The following DHX29 variants were observed in gnomAD, a reference collection of about 807,000 sequenced individuals.
DHX29 encodes DExH-box helicase 29.
A neutral mutation model predicts 167.9 loss-of-function variants in DHX29; 79 were observed. That is an observed-to-expected ratio of 0.47 (90% CI 0.39 to 0.57). The LOEUF (loss-of-function observed/expected upper bound fraction) is 0.57. Among genes scored for constraint, DHX29 ranks in the 20% least tolerant of loss-of-function variants. The probability of loss-of-function intolerance (pLI) is 0.00; values close to 1 mark genes in which losing one functional copy is unlikely to be tolerated. For synonymous variants in DHX29, 530 were observed against 546.0 expected (o/e 0.97, Z 0.41); for missense variants, 1,347 against 1,593.4 (o/e 0.85, Z 2.63).
intron 8 of DHX29, among the ~76,000 whole-genome samples, chr5:55,286,104 A>G (rs1403302559): frequency 2.0e-5 from 3 of 152,052 alleles, no homozygotes; most frequent in African/African-American, 7.2e-5. Context: ...AGTACAAAAA[A>G]ATTATTCGGC....
rs1430398273 is a variant in DHX29, at chr5:55,283,264, G to T, written c.1904C>A (p.Ala635Glu). Residue 635 changes from alanine to glutamate, a missense_variant, in exon 11 of 27, where the codon GCA (alanine) becomes GAA (glutamate). Ala to Glu is a moderately radical substitution (Grantham distance 107). Around this residue, in one of 3 missense-constraint regions of DHX29, gnomAD observed 882 missense variants for 1,082.4 expected, o/e 0.81. Transcript: ENST00000251636. Reference sequence around the variant, plus strand: ...ACATACTCTGTTGGCTAAACTAACTGCTGAGATTCTTCGGGGTTGGGTACA... The same window carrying T: ...ACATACTCTGTTGGCTAAACTAACTTCTGAGATTCTTCGGGGTTGGGTACA... ...IVCTQPRRIS[A>E]VSLANRVCDE... The T allele has an allele frequency of 6.2e-7, 1 of 1,613,108 alleles. No individual in the cohort carries two copies. Among genetic ancestry groups the T allele is most frequent in the Admixed American group, 1.7e-5 (1 of 59,988 alleles).
At chr5:55,299,043 A>G (rs1748472389) in intron 1 of DHX29, among the ~76,000 whole-genome samples, 1 of 151,040 alleles carries the variant, frequency 6.6e-6, no homozygotes, top group Non-Finnish European at 1.5e-5. Context: ...TCTCAAAAAA[A>G]AAAAAAAAAA....
At position 55,274,375 on chromosome 5, in the gene DHX29, C is replaced by G. The variant is rs1412453238; in HGVS notation, c.2690+239G>C. 6.6e-5 allele frequency among the ~76,000 whole-genome samples: 10 copies of G among 152,000 alleles called. No homozygotes were observed. The East Asian group carries it at 1.7e-3, about 26-fold the overall frequency. On this transcript the variant is annotated intron_variant, in intron 16 of 26. Coordinates refer to ENST00000251636, the MANE Select transcript of DHX29 (RefSeq NM_019030.4). ...TGCCACTACACTCCATCCTGGGCAACAGAGAGAGAATCTGTCTCAAAAATA... is the reference window on the plus strand; with the variant it reads ...TGCCACTACACTCCATCCTGGGCAAGAGAGAGAGAATCTGTCTCAAAAATA...
chr5:55,272,646 T>C (rs1746908961), intron 17 of DHX29, among the ~76,000 whole-genome samples: 1 of 152,088 alleles, frequency 6.6e-6, no homozygotes, highest in Non-Finnish European at 1.5e-5. Flanking sequence ...GGCAGCAGAA[T>C]CGCTTGAACC....
intron 1 of DHX29, among the ~76,000 whole-genome samples, chr5:55,305,621 C>T (rs988661218): frequency 1.3e-5 from 2 of 152,108 alleles, no homozygotes; most frequent in Non-Finnish European, 2.9e-5. Context: ...CTGTGGAGCC[C>T]TATTAAAAGA....
At chr5:55,269,279 C>A in intron 21 of DHX29, 134 bp downstream of exon 21, 1 of 767,674 alleles carries the variant, frequency 1.3e-6, no homozygotes, top group South Asian at 1.9e-5. Context: ...AGCATTCAGG[C>A]CCTCTCGGTT....
intron 1 of DHX29, among the ~76,000 whole-genome samples, chr5:55,305,317 A>G (rs192031577): frequency 1.3e-5 from 2 of 152,364 alleles, no homozygotes; most frequent in East Asian, 3.9e-4. Context: ...GATGTTAGGG[A>G]CAGATTGCAC....
intron 26 of DHX29, among the ~76,000 whole-genome samples, chr5:55,258,771 T>A (rs1331728283): frequency 6.6e-6 from 1 of 152,120 alleles, no homozygotes; most frequent in African/African-American, 2.4e-5. Flanking sequence ...GAGGCTAGTC[T>A]TGAACTCCTG....
intron 20 of DHX29, 147 bp from the exon 21 acceptor site, chr5:55,269,784 T>A: frequency 3.3e-6 from 2 of 613,870 alleles, no homozygotes; most frequent in East Asian, 3.1e-5. Flanking sequence ...TTATTTTTTT[T>A]ATAATGGGGG....
intron 12 of DHX29, chr5:55,279,450 T>C (rs1342938564): frequency 1.3e-5 from 2 of 152,208 alleles, no homozygotes; most frequent in Non-Finnish European, 2.9e-5. Flanking sequence ...GGAAATCTAA[T>C]GGATGGCATA....
intron 11 of DHX29, among the ~76,000 whole-genome samples, chr5:55,281,862 T>C (rs1747437541): frequency 6.6e-6 from 1 of 151,532 alleles, no homozygotes; most frequent in African/African-American, 2.4e-5. Context: ...CTCAGCTCAC[T>C]GCAACTTCCA....
intron 4 of DHX29, 148 bp downstream of exon 4, chr5:55,296,072 T>A: frequency 2.3e-6 from 2 of 862,424 alleles, no homozygotes; most frequent in South Asian, 3.1e-5. Context: ...CTAAGGAAAA[T>A]ATCCTGAAAA....
intron 12 of DHX29, among the ~76,000 whole-genome samples, chr5:55,277,775 G>A (rs1165635091): frequency 2.6e-5 from 4 of 151,966 alleles, no homozygotes; most frequent in Middle Eastern, 3.4e-3. Context: ...GTATGGTGGT[G>A]TGCACCTGTA....
rs1246305180 is a variant in DHX29, at chr5:55,270,606, A to G, written c.2965T>C (p.Phe989Leu). The G allele has an allele frequency of 6.2e-7, 1 of 1,614,238 alleles. No homozygotes were observed. The highest frequency in any genetic ancestry group is 8.5e-7 in the Non-Finnish European group (1 of 1,180,042). Residue 989 changes from phenylalanine to leucine, a missense_variant, in exon 19 of 27, where the codon TTC becomes CTC. Physicochemically the swap from Phe to Leu is conservative, Grantham distance 22 (BLOSUM62 0). Around this residue, in one of 3 missense-constraint regions of DHX29, gnomAD observed 882 missense variants for 1,082.4 expected, o/e 0.81. Coordinates refer to ENST00000251636, the MANE Select transcript of DHX29 (RefSeq NM_019030.4). ...QGRAGRVRDG[F>L]CFRMYTRERF... ...TCTCTTGTGTACATTCGGAAACAGA[A>G]GCCATCTCTGACCCGCCCAGCTCTT...
At chr5:55,256,652 A>G in intron 26 of DHX29, 112 bp from the exon 27 acceptor site, 1 of 800,306 alleles carries the variant, frequency 1.2e-6, no homozygotes, top group Non-Finnish European at 1.9e-6. Flanking sequence ...ACATTAGAAT[A>G]CAGAATTAAC....
chr5:55,281,526 A>C lies in DHX29; in HGVS notation c.1966-11T>G, dbSNP rs1393611341. ...TCCACACAAGGAATTCTAAAGGGAG[A>C]ACATAAGGCCTTGATTAGATTCTCA... is the stretch of plus-strand genomic sequence containing the variant. On this transcript the variant is annotated splice_polypyrimidine_tract_variant and intron_variant, in intron 11 of 26. Transcript: ENST00000251636. 3 of 1,560,272 alleles carry C rather than the reference A, an allele frequency of 1.9e-6. No individual in the cohort carries two copies. The highest frequency in any genetic ancestry group is 1.7e-6 in the Non-Finnish European group (2 of 1,154,608).
chr5:55,288,509 G>C (rs112897343), intron 8 of DHX29, among the ~76,000 whole-genome samples: 120 of 151,148 alleles, frequency 7.9e-4, no homozygotes, highest in African/African-American at 2.8e-3. Flanking sequence ...CATTCAGTCT[G>C]GTCTTCTAAA....
rs375301386 is a variant in DHX29, at chr5:55,277,285, A to G, written c.2110-3T>C. ...GACTGGACACTTCTTTCATGAACCT[A>G]GTTTTAAAAAGGGAATAAAAAAGTT... is the stretch of plus-strand genomic sequence containing the variant. On this transcript the variant is annotated splice_region_variant and splice_polypyrimidine_tract_variant and intron_variant, in intron 12 of 26. Coordinates refer to ENST00000251636, the MANE Select transcript of DHX29 (RefSeq NM_019030.4). The G allele has an allele frequency of 2.5e-6, 4 of 1,579,722 alleles. No individual in the cohort carries two copies. The African/African-American group carries it at 4.1e-5, about 16-fold the overall frequency.
At chr5:55,267,553 C>A in intron 22 of DHX29, 133 bp downstream of exon 22, 1 of 757,968 alleles carries the variant, frequency 1.3e-6, no homozygotes, top group Non-Finnish European at 1.9e-6. Context: ...CATAATTATA[C>A]CTTGACAGAT....
Sources: allele counts gnomAD v4.1 joint callset (sites outside exome capture counted in the v4.1 genomes callset), GRCh38; gene constraint gnomAD v4.1.1; regional missense constraint gnomAD v4.1.1; transcripts MANE v1.5; gene names NCBI Gene and HGNC (gene_info 2026-07-23, HGNC 2026-07-21).